SCAMP5: variants seen among roughly 807,000 people sequenced by gnomAD.
SCAMP5 encodes secretory carrier membrane protein 5, also known as secretory carrier-associated membrane protein 5.
A neutral mutation model predicts 28.3 loss-of-function variants in SCAMP5; 7 were observed. The ratio of observed to expected loss-of-function variants is 0.25; its 90% CI spans 0.14 to 0.46. The LOEUF (loss-of-function observed/expected upper bound fraction) is 0.46. Among genes scored for constraint, SCAMP5 ranks in the 20% least tolerant of loss-of-function variants. The pLI is 0.99. For synonymous variants in SCAMP5, 117 were observed against 116.4 expected (o/e 1.00, Z -0.03); for missense variants, 192 against 312.5 (o/e 0.61, Z 2.91).
chr15:75,019,196 T>G lies in SCAMP5; in HGVS notation c.*213T>G, dbSNP rs990106365. 6 of 378,096 alleles carry G rather than the reference T, an allele frequency of 1.6e-5. No individual in the cohort carries two copies. The Admixed American group carries it at 2.7e-4, about 17-fold the overall frequency. The allele number at this position is 378,096 out of a possible 1,614,324, so 23.4% of individuals were successfully genotyped here. A position where few individuals can be genotyped will look rare whatever the true frequency, so the allele number is the denominator to read the frequency against. On this transcript the variant is annotated 3_prime_UTR_variant, in exon 7 of 7. Coordinates refer to ENST00000425597, the MANE Select transcript of SCAMP5 (RefSeq NM_138967.4). ...CTGCTCTTGGCACTCAGCTGTGGGC[T>G]GCACGTGGAGCTGTCCCGTGCGGTA...
At chr15:75,000,514 A>G (rs1169613509) in intron 1 of SCAMP5, among the ~76,000 whole-genome samples, 2 of 151,910 alleles carry the variant, frequency 1.3e-5, no homozygotes, top group Non-Finnish European at 2.9e-5. Context: ...CATCCCGAGT[A>G]GCTGGGACTA....
At chr15:75,012,572 T>C (rs369258533) in intron 2 of SCAMP5, 105 bp from the exon 3 acceptor site, 2 of 1,335,602 alleles carry the variant, frequency 1.5e-6, no homozygotes, top group East Asian at 2.4e-5. Context: ...GAGTGGCCGG[T>C]GGCCACAGGG....
At chr15:75,008,010 T>C (rs1177058639) in intron 1 of SCAMP5, among the ~76,000 whole-genome samples, 1 of 152,156 alleles carries the variant, frequency 6.6e-6, no homozygotes, top group African/African-American at 2.4e-5. Flanking sequence ...TGTTTGCAGT[T>C]ATTTTTGCCC....
intron 1 of SCAMP5, chr15:74,997,163 C>G (rs2065661238): frequency 6.6e-6 from 1 of 152,378 alleles, no homozygotes; most frequent in Admixed American, 6.6e-5. Context: ...CTTTCTTCTC[C>G]CTCTTCCTTT....
intron 2 of SCAMP5, 61 bp downstream of exon 2, chr15:75,011,907 T>G: frequency 7.0e-7 from 1 of 1,435,886 alleles, no homozygotes. Flanking sequence ...TGGATGGCCC[T>G]CTTCCTGGTT....
chr15:75,016,228 G>A (rs528499570), intron 3 of SCAMP5, among the ~76,000 whole-genome samples: 1 of 152,236 alleles, frequency 6.6e-6, no homozygotes, highest in African/African-American at 2.4e-5. Flanking sequence ...GGGCTTGCTG[G>A]GCAGAAGCTC....
Position 75,016,532 on chromosome 15 carries a change from T to C in SCAMP5, c.137-61T>C, listed in dbSNP as rs2065860924. 16 of 1,522,202 alleles carry C rather than the reference T, an allele frequency of 1.1e-5. No homozygotes were observed. In the East Asian group the frequency reaches 2.7e-4, roughly 26 times the overall value. The allele number at this position is 1,522,202 out of a possible 1,614,324, so 94.3% of individuals were successfully genotyped here. On this transcript the variant is annotated intron_variant, in intron 3 of 6. Transcript: ENST00000425597. ...GTGTGTGCCCATGTCCGGGTGCTCA[T>C]GTGTCTCTCTATGGGCCTGGGTGTC...
At position 75,010,800 on chromosome 15, in the gene SCAMP5, C is replaced by T. The variant is rs530866537; in HGVS notation, c.-48-992C>T. On this transcript the variant is annotated intron_variant, in intron 1 of 6. Coordinates refer to ENST00000425597, the MANE Select transcript of SCAMP5 (RefSeq NM_138967.4). Reference sequence around the variant, plus strand: ...GTCTAAGAAAAAAAAAAATGTGAAGCTCCTTCCTAGTAAGGAACTGTCCCT... The same window carrying T: ...GTCTAAGAAAAAAAAAAATGTGAAGTTCCTTCCTAGTAAGGAACTGTCCCT... Among the ~76,000 whole-genome samples the T allele has an allele frequency of 2.0e-5, 3 of 151,676 alleles. No individual in the cohort carries two copies. In the East Asian group the frequency reaches 5.9e-4, roughly 30 times the overall value.
intron 1 of SCAMP5, among the ~76,000 whole-genome samples, chr15:75,005,720 GTTCT>G (rs996952243): frequency 5.9e-5 from 9 of 152,178 alleles, no homozygotes; most frequent in South Asian, 2.1e-4. Context: ...GGCACATGAT[GTTCT>G]TTCTTTCTTT....
chr15:74,997,349 G>A (rs1416720482), intron 1 of SCAMP5: 2 of 152,180 alleles, frequency 1.3e-5, no homozygotes, highest in Non-Finnish European at 1.5e-5. Flanking sequence ...AATCTGATTG[G>A]GGGAGGGCGT....
intron 2 of SCAMP5, among the ~76,000 whole-genome samples, chr15:75,012,296 GC>G (rs1196490954): frequency 2.0e-5 from 3 of 152,212 alleles, no homozygotes; most frequent in Non-Finnish European, 4.4e-5. Flanking sequence ...GCGATGATTT[GC>G]CCCAGAGCAC....
At position 74,996,624 on chromosome 15, in the gene SCAMP5, G is replaced by A. The variant is rs1393597493; in HGVS notation, c.-49+951G>A. 1.3e-5 allele frequency among the ~76,000 whole-genome samples: 2 copies of A among 152,184 alleles called. No homozygotes were observed. The highest frequency in any genetic ancestry group is 4.8e-5 in the African/African-American group (2 of 41,432). ...TGGGCAAAGGCACAGGGATGAAAAC[G>A]AGCACAGCTGTTGGGGGCTGAGCCT... is the stretch of plus-strand genomic sequence containing the variant. On this transcript the variant is annotated intron_variant, in intron 1 of 6. Transcript: ENST00000425597. This position sits in a 1 kb window ranked among gnomAD's most constrained non-coding sequence, Gnocchi z 4.1.
At chr15:74,999,230 C>G (rs1011124997) in intron 1 of SCAMP5, among the ~76,000 whole-genome samples, 1 of 152,194 alleles carries the variant, frequency 6.6e-6, no homozygotes, top group African/African-American at 2.4e-5. Flanking sequence ...AGTTCTCAGA[C>G]ACCTCCATTT....
rs1041337977 is a variant in SCAMP5 at position 75,016,813 on chromosome 15, A to G, written c.293+64A>G. 31 of 1,313,942 alleles carry G rather than the reference A, an allele frequency of 2.4e-5. No individual in the cohort carries two copies. The South Asian group carries it at 2.8e-4, about 12-fold the overall frequency. 81.4% of individuals were successfully genotyped at this position (1,313,942 alleles called of 1,614,324 possible). On this transcript the variant is annotated intron_variant, in intron 4 of 6. Coordinates refer to ENST00000425597, the MANE Select transcript of SCAMP5 (RefSeq NM_138967.4). ...TGCCCATCTCCCCTGTCTCTTCTCC[A>G]TATCTTTTCTCACTTCTTTTTTTTT...
intron 3 of SCAMP5, among the ~76,000 whole-genome samples, chr15:75,014,737 A>AG (rs1261776622): frequency 6.6e-6 from 1 of 152,100 alleles, no homozygotes; most frequent in East Asian, 1.9e-4. Context: ...AGAGAGAGAG[A>AG]GGGGCTGAGC....
intron 1 of SCAMP5, among the ~76,000 whole-genome samples, chr15:75,006,927 G>A (rs1377126928): frequency 3.3e-5 from 5 of 152,178 alleles, no homozygotes; most frequent in Non-Finnish European, 5.9e-5. Context: ...GGGCAACAGA[G>A]CGCGACTCTG....
intron 4 of SCAMP5, among the ~76,000 whole-genome samples, chr15:75,017,114 A>C (rs1361505487): frequency 2.0e-5 from 3 of 151,806 alleles, no homozygotes. Context: ...GGGCTAGCCG[A>C]CTTGGTGCCA....
intron 1 of SCAMP5, among the ~76,000 whole-genome samples, chr15:75,009,409 G>A (rs538289794): frequency 1.5e-4 from 23 of 149,994 alleles, no homozygotes; most frequent in Non-Finnish European, 3.2e-4. Flanking sequence ...TTTTAATCAG[G>A]TCCAGAAGAA....
At chr15:75,014,120 C>T (rs2065838923) in intron 3 of SCAMP5, among the ~76,000 whole-genome samples, 1 of 152,160 alleles carries the variant, frequency 6.6e-6, no homozygotes, top group Admixed American at 6.5e-5. Flanking sequence ...TGACACTGCC[C>T]TGAGTGAGGC....
Sources: gnomAD v4.1 joint callset for allele counts (sites outside exome capture counted in the v4.1 genomes callset) on GRCh38, gnomAD v4.1.1 for gene constraint, Gnocchi (gnomAD v3.1) non-coding constraint, MANE v1.5 for transcripts, NCBI Gene and HGNC (gene_info 2026-07-23, HGNC 2026-07-21) for gene names.